Variants in C2orf76 observed in about 807,000 individuals in gnomAD.
C2orf76 encodes the protein UPF0538 protein C2orf76.
A neutral mutation model predicts 16.9 loss-of-function variants in C2orf76; 23 were observed. That is an observed-to-expected ratio of 1.36 (90% CI 0.98 to 1.93). C2orf76 has a LOEUF of 1.93. C2orf76 is among the 30% of genes most tolerant of loss of function. The probability of loss-of-function intolerance (pLI) is 0.00; values close to 1 mark genes in which losing one functional copy is unlikely to be tolerated. For missense variants in C2orf76, 152 were observed against 152.6 expected, an observed-to-expected ratio of 1.00 and a Z score of 0.02; for synonymous variants, 48 against 52.3, an observed-to-expected ratio of 0.92 and a Z score of 0.35.
chr2:119,328,027 T>C (rs1314184761), intron 2 of C2orf76, among the ~76,000 whole-genome samples: 1 of 151,798 alleles, frequency 6.6e-6, no homozygotes, highest in Non-Finnish European at 1.5e-5. Context: ...TCTGCCCCCC[T>C]CCTTTTTTTT....
Position 119,313,328 on chromosome 2 carries a change from CT to C in C2orf76, c.223-1626del, listed in dbSNP as rs1254124944. ...ATCATTTTAGAATAGGTAATACAGT[CT>C]GTAATCCCAGCACTTTGGGAGGCCA... On this transcript the variant is annotated intron_variant, in intron 4 of 5. Coordinates refer to ENST00000334816, the MANE Select transcript of C2orf76 (RefSeq NM_001322331.2). 2.0e-5 allele frequency among the ~76,000 whole-genome samples: 3 copies of C among 152,154 alleles called. No homozygotes were observed. In the East Asian group the frequency reaches 5.8e-4, roughly 29 times the overall value.
rs193192361 is a variant in C2orf76 at position 119,350,270 on chromosome 2, A to G, written c.-12-10299T>C. The stretch of plus-strand genomic sequence containing the variant: ...ATTAATTATATATTTATAATATGTA[A>G]CAGTTCAACAGCAACTTGATTCTAT... On this transcript the variant is annotated intron_variant, in intron 1 of 5. Coordinates refer to ENST00000334816, the MANE Select transcript of C2orf76 (RefSeq NM_001322331.2). 4.5e-3 allele frequency among the ~76,000 whole-genome samples: 681 copies of G among 152,240 alleles called. 4 individuals carry two copies. Among genetic ancestry groups the G allele is most frequent in the Middle Eastern group, 0.024 (7 of 294 alleles).
At chr2:119,287,157 T>A in the C2orf76 span, among the ~76,000 whole-genome samples, 3 of 152,162 alleles carry the variant, frequency 2.0e-5, no homozygotes, top group African/African-American at 7.2e-5. Flanking sequence ...TGAGTAAATA[T>A]CTGCAAAGTG....
At chr2:119,298,097 C>T (rs1468538196), downstream of C2orf76, among the ~76,000 whole-genome samples, 1 of 152,202 alleles carries the variant, frequency 6.6e-6, no homozygotes, top group Non-Finnish European at 1.5e-5. Context: ...GCATGCATCA[C>T]CACACCTGGC....
At chr2:119,336,497 C>T (rs934368449) in intron 2 of C2orf76, among the ~76,000 whole-genome samples, 13 of 151,770 alleles carry the variant, frequency 8.6e-5, no homozygotes, top group South Asian at 4.2e-4. Flanking sequence ...GTTTTGATGA[C>T]GTGATGATGC....
chr2:119,286,105 A>G, the C2orf76 span, among the ~76,000 whole-genome samples: 1 of 151,678 alleles, frequency 6.6e-6, no homozygotes, highest in Non-Finnish European at 1.5e-5. Flanking sequence ...GGGCACCTGT[A>G]GTCCCAGCTA....
chr2:119,294,575 A>T, the C2orf76 span, among the ~76,000 whole-genome samples: 1 of 152,150 alleles, frequency 6.6e-6, no homozygotes, highest in South Asian at 2.1e-4. Context: ...TCGCCCACCC[A>T]CACAGGAAGG....
chr2:119,293,030 G>C, the C2orf76 span, among the ~76,000 whole-genome samples: 1 of 152,130 alleles, frequency 6.6e-6, no homozygotes, highest in African/African-American at 2.4e-5. Context: ...ATGAGACTCT[G>C]TCTCAAAACA....
At position 119,346,918 on chromosome 2, in the gene C2orf76, A is replaced by G. The variant is rs550177242; in HGVS notation, c.-12-6947T>C. Among the ~76,000 whole-genome samples, 480 of 152,314 alleles carry G rather than the reference A, an allele frequency of 3.2e-3. 2 individuals are homozygous for G. Among genetic ancestry groups the G allele is most frequent in the African/African-American group, 0.011 (459 of 41,568 alleles). On this transcript the variant is annotated intron_variant, in intron 1 of 5. Transcript: ENST00000334816. ...TCAAGCAAGGTGTTGCCAATGGGGGAAAGTGGATGAAGGGAAATGGGATCT... is the reference window on the plus strand; with the variant it reads ...TCAAGCAAGGTGTTGCCAATGGGGGGAAGTGGATGAAGGGAAATGGGATCT...
At chr2:119,351,261 C>T (rs1680393104) in intron 1 of C2orf76, among the ~76,000 whole-genome samples, 3 of 152,188 alleles carry the variant, frequency 2.0e-5, no homozygotes, top group African/African-American at 7.2e-5. Flanking sequence ...GCTTATCTAA[C>T]ACAATATTTA....
chr2:119,315,398 G>A (rs746179367), intron 4 of C2orf76, among the ~76,000 whole-genome samples: 2 of 152,114 alleles, frequency 1.3e-5, no homozygotes, highest in Non-Finnish European at 2.9e-5. Context: ...TCTCCTTTCA[G>A]CTGACGAAGG....
intron 1 of C2orf76, among the ~76,000 whole-genome samples, chr2:119,351,925 TA>T (rs140956338): frequency 0.019 from 2,860 of 152,350 alleles, 36 homozygotes; most frequent in South Asian, 0.054. Context: ...AATTTGCAAA[TA>T]CAGAATCTGA....
chr2:119,357,905 A>G (rs1352921907), intron 1 of C2orf76, among the ~76,000 whole-genome samples: 2 of 152,232 alleles, frequency 1.3e-5, no homozygotes, highest in African/African-American at 4.8e-5. Context: ...CAAAATAAAC[A>G]TACAAAACCA....
At chr2:119,313,172 CAGAA>C (rs1230969532) in intron 4 of C2orf76, among the ~76,000 whole-genome samples, 1 of 152,032 alleles carries the variant, frequency 6.6e-6, no homozygotes, top group Non-Finnish European at 1.5e-5. Flanking sequence ...AGAGAGTCAA[CAGAA>C]AGGCCTCTCA....
At chr2:119,307,650 C>T (rs1166071222) in intron 5 of C2orf76, among the ~76,000 whole-genome samples, 1 of 151,986 alleles carries the variant, frequency 6.6e-6, no homozygotes, top group African/African-American at 2.4e-5. Context: ...GCTGGCTTGC[C>T]GGAGTTCGGA....
At chr2:119,350,768 C>T (rs138884865) in intron 1 of C2orf76, among the ~76,000 whole-genome samples, 73 of 152,284 alleles carry the variant, frequency 4.8e-4, no homozygotes, top group African/African-American at 1.8e-3. Context: ...CTAACTGCAA[C>T]GCTCCTTAAC....
the C2orf76 span, among the ~76,000 whole-genome samples, chr2:119,293,305 G>A: frequency 1.3e-5 from 2 of 152,218 alleles, no homozygotes; most frequent in Admixed American, 1.3e-4. Context: ...GCAGACAGCT[G>A]ACAGAAAGGG....
intron 5 of C2orf76, among the ~76,000 whole-genome samples, chr2:119,307,552 T>C (rs1419456398): frequency 6.6e-6 from 1 of 152,058 alleles, no homozygotes; most frequent in African/African-American, 2.4e-5. Context: ...TAACCTCAGC[T>C]TGTCCCCAAG....
the C2orf76 span, among the ~76,000 whole-genome samples, chr2:119,282,209 A>G: frequency 6.6e-6 from 1 of 152,176 alleles, no homozygotes; most frequent in South Asian, 2.1e-4. Flanking sequence ...GCCCACATAC[A>G]TGAAAAATGA....
Sources: gnomAD v4.1 joint callset for allele counts (sites outside exome capture counted in the v4.1 genomes callset) on GRCh38, gnomAD v4.1.1 for gene constraint, MANE v1.5 for transcripts, NCBI Gene and HGNC (gene_info 2026-07-23, HGNC 2026-07-21) for gene names.